Variants in PDZD8 observed in about 807,000 individuals in gnomAD.
PDZD8 encodes the protein PDZ domain containing 8.
In PDZD8, 14 loss-of-function variants were observed where a neutral mutation model predicts 85.8. That is an observed-to-expected ratio of 0.16 (90% CI 0.11 to 0.26). PDZD8 has a LOEUF of 0.26. Ranked by LOEUF, PDZD8 falls within the 10% of genes least tolerant of loss-of-function variation. The pLI is 1.00. For synonymous variants in PDZD8, 592 were observed against 568.6 expected, an observed-to-expected ratio of 1.04 and a Z score of -0.59; for missense variants, 1,197 against 1,424.3, an observed-to-expected ratio of 0.84 and a Z score of 2.57.
At chr10:117,333,127 A>AC (rs1248046845) in intron 2 of PDZD8, among the ~76,000 whole-genome samples, 33 of 27,922 alleles carry the variant, frequency 1.2e-3, no homozygotes, top group African/African-American at 2.5e-3. Context: ...CAAAAAAAAA[A>AC]AAAAAAAAAA....
intron 1 of PDZD8, among the ~76,000 whole-genome samples, chr10:117,345,152 T>A (rs1844682873): frequency 6.6e-6 from 1 of 152,146 alleles, no homozygotes; most frequent in Non-Finnish European, 1.5e-5. Flanking sequence ...ATTCTCCCAA[T>A]CTCTTCCCAA....
intron 1 of PDZD8, among the ~76,000 whole-genome samples, chr10:117,371,517 T>C (rs1839504981): frequency 6.6e-6 from 1 of 152,196 alleles, no homozygotes; most frequent in Admixed American, 6.5e-5. Flanking sequence ...ACAGAACAGC[T>C]ACACAGACAA....
Position 117,374,740 on chromosome 10 carries a change from A to G in PDZD8, c.488T>C (p.Val163Ala). Residue 163 changes from valine to alanine, a missense_variant, in exon 1 of 5, where the codon GTG (valine) becomes GCG (alanine). Transcript: ENST00000334464. This position sits in a 1 kb window ranked among gnomAD's most constrained non-coding sequence, Gnocchi z 7.8. ...TVPFIKTIRL[V>A]RPVVPSATGE... ...GGTGGCCGAGGGCACGACTGGCCGC[A>G]CGAGCCGGATGGTCTTGATGAAGGG... 1 of 1,611,774 alleles carries G rather than the reference A, an allele frequency of 6.2e-7. No homozygotes were observed. The highest frequency in any genetic ancestry group is 8.5e-7 in the Non-Finnish European group (1 of 1,179,532).
rs1226278277 is a variant in PDZD8, at chr10:117,280,640, A to C, written c.*2628T>G. The C allele has an allele frequency of 6.6e-6, 1 of 152,178 alleles. No homozygotes were observed. Among genetic ancestry groups the C allele is most frequent in the African/African-American group, 2.4e-5 (1 of 41,450 alleles). 9.4% of individuals were successfully genotyped at this position (152,178 alleles called of 1,614,324 possible). On this transcript the variant is annotated 3_prime_UTR_variant, in exon 5 of 5. Coordinates refer to ENST00000334464, the MANE Select transcript of PDZD8 (RefSeq NM_173791.5). ...TCTAGGCTATTTGGAGTGTTCCCCCACTTGCACTAAAGTACAACTATGATG... is the reference window on the plus strand; with the variant it reads ...TCTAGGCTATTTGGAGTGTTCCCCCCCTTGCACTAAAGTACAACTATGATG...
chr10:117,299,690 C>T (rs528784921), intron 3 of PDZD8, among the ~76,000 whole-genome samples: 1 of 151,966 alleles, frequency 6.6e-6, no homozygotes, highest in South Asian at 2.1e-4. Flanking sequence ...TTTATGATAT[C>T]TATTTCTCTG....
In PDZD8 at chr10:117,284,252, C is replaced by G. The variant is rs746806300; in HGVS notation, c.2481G>C (p.Glu827Asp). Residue 827 changes from glutamate (E) to aspartate (D), a missense_variant, in exon 5 of 5, where the codon GAG becomes GAC. Around this residue, in one of 4 missense-constraint regions of PDZD8, gnomAD observed 418 missense variants for 571.1 expected, o/e 0.73. Coordinates refer to ENST00000334464, the MANE Select transcript of PDZD8 (RefSeq NM_173791.5). ...LVEEVSVLPK[E>D]EQFVGQMGLT... Reference sequence around the variant, plus strand: ...AACCCATCTGTCCAACAAATTGCTCCTCTTTAGGGAGAACAGAAACTTCTT... The same window carrying G: ...AACCCATCTGTCCAACAAATTGCTCGTCTTTAGGGAGAACAGAAACTTCTT... 2.5e-6 allele frequency: 4 copies of G among 1,614,198 alleles called. No individual in the cohort carries two copies. The highest frequency in any genetic ancestry group is 2.5e-6 in the Non-Finnish European group (3 of 1,180,030).
intron 2 of PDZD8, among the ~76,000 whole-genome samples, chr10:117,319,220 A>G (rs1201498492): frequency 6.6e-6 from 1 of 152,170 alleles, no homozygotes; most frequent in Non-Finnish European, 1.5e-5. Context: ...ACAAAGTATT[A>G]TCTACTCATT....
At chr10:117,345,311 T>C (rs1042175736) in intron 1 of PDZD8, among the ~76,000 whole-genome samples, 1 of 152,016 alleles carries the variant, frequency 6.6e-6, no homozygotes. Flanking sequence ...GTGCCCCTAG[T>C]AGAGAAACAG....
chr10:117,357,831 G>A (rs1211493219), intron 1 of PDZD8, among the ~76,000 whole-genome samples: 5 of 113,638 alleles, frequency 4.4e-5, no homozygotes, highest in Non-Finnish European at 7.1e-5. Context: ...AGGCCTACAC[G>A]ATCAGGAAAA....
chr10:117,343,248 G>A (rs1388239216), intron 1 of PDZD8, among the ~76,000 whole-genome samples: 3 of 152,142 alleles, frequency 2.0e-5, no homozygotes, highest in Non-Finnish European at 4.4e-5. Context: ...TGTTTTCCCA[G>A]TAAGTAAGAT....
intron 1 of PDZD8, among the ~76,000 whole-genome samples, chr10:117,341,728 A>ATT (rs1554855733): frequency 1.3e-5 from 2 of 152,212 alleles, no homozygotes; most frequent in African/African-American, 4.8e-5. Flanking sequence ...CGCAGATTAA[A>ATT]TTTTTAAAAA....
At chr10:117,364,060 T>C (rs557460107) in intron 1 of PDZD8, among the ~76,000 whole-genome samples, 26 of 152,208 alleles carry the variant, frequency 1.7e-4, no homozygotes, top group African/African-American at 6.3e-4. Flanking sequence ...CAAACACATA[T>C]GTGTTTAGTA....
chr10:117,351,777 T>A (rs2133864448), intron 1 of PDZD8, among the ~76,000 whole-genome samples: 1 of 152,314 alleles, frequency 6.6e-6, no homozygotes, highest in East Asian at 1.9e-4. Context: ...AGCCTTGACC[T>A]CCTGGACTCA....
At chr10:117,293,328 A>T (rs1446398474) in intron 3 of PDZD8, among the ~76,000 whole-genome samples, 4 of 152,084 alleles carry the variant, frequency 2.6e-5, no homozygotes, top group Non-Finnish European at 2.9e-5. Flanking sequence ...TATAAAACAT[A>T]TGCCAAAATA....
intron 1 of PDZD8, among the ~76,000 whole-genome samples, chr10:117,372,283 G>A (rs1697653247): frequency 6.6e-6 from 1 of 152,100 alleles, no homozygotes; most frequent in Non-Finnish European, 1.5e-5. Context: ...AAGCAATTTT[G>A]CCATACTTTT....
intron 3 of PDZD8, among the ~76,000 whole-genome samples, chr10:117,300,636 T>C (rs1360923201): frequency 6.6e-6 from 1 of 152,130 alleles, no homozygotes; most frequent in Admixed American, 6.5e-5. Flanking sequence ...TGTTCCCCCA[T>C]CCCCAACCTT....
chr10:117,285,809 T>A, intron 4 of PDZD8: 1 of 914,550 alleles, frequency 1.1e-6, no homozygotes, highest in Non-Finnish European at 1.3e-6. Flanking sequence ...ACTGAAGAAG[T>A]GAACAGAGAG....
intron 1 of PDZD8, among the ~76,000 whole-genome samples, chr10:117,349,998 G>T (rs1844776019): frequency 6.6e-6 from 1 of 152,038 alleles, no homozygotes; most frequent in Non-Finnish European, 1.5e-5. Flanking sequence ...ATATGACACT[G>T]TTTAGTAATA....
At chr10:117,332,522 T>C (rs1015037047) in intron 2 of PDZD8, among the ~76,000 whole-genome samples, 8 of 50,174 alleles carry the variant, frequency 1.6e-4, no homozygotes, top group African/African-American at 4.7e-4. Context: ...TTTTTTTTTT[T>C]TGAGACTGAG....
Sources: allele counts gnomAD v4.1 joint callset (sites outside exome capture counted in the v4.1 genomes callset), GRCh38; gene constraint gnomAD v4.1.1; regional missense constraint gnomAD v4.1.1; non-coding constraint Gnocchi (gnomAD v3.1); transcripts MANE v1.5; gene names NCBI Gene and HGNC (gene_info 2026-07-23, HGNC 2026-07-21).